GPC5: variants seen among roughly 807,000 people sequenced by gnomAD.
The protein encoded by GPC5 is glypican-5.
Under a neutral mutation model 53.9 loss-of-function variants are expected in GPC5, and 47 were observed. The ratio of observed to expected loss-of-function variants is 0.87; its 90% confidence interval spans 0.69 to 1.11. The LOEUF is 1.11. Among genes scored for constraint, GPC5 ranks in the 50% most tolerant of loss-of-function variants. The pLI is 0.00. For synonymous variants in GPC5, 286 were observed against 263.3 expected, an observed-to-expected ratio of 1.09 and a Z score of -0.84; for missense variants, 748 against 713.1, an observed-to-expected ratio of 1.05 and a Z score of -0.56.
intron 7 of GPC5, among the ~76,000 whole-genome samples, chr13:92,165,524 A>C (rs2042020964): frequency 2.0e-5 from 3 of 152,154 alleles, no homozygotes; most frequent in African/African-American, 7.2e-5. Flanking sequence ...AGAGAATGAG[A>C]GATGTGGAGC....
chr13:91,604,402 G>C (rs9523374), intron 2 of GPC5, among the ~76,000 whole-genome samples: 2 of 151,616 alleles, frequency 1.3e-5, no homozygotes, highest in African/African-American at 4.9e-5. Context: ...GAATAATGCC[G>C]TAATAAACAT....
Position 92,612,934 on chromosome 13 carries a change from A to G in GPC5, c.1562-253348A>G, listed in dbSNP as rs577669408. Among the ~76,000 whole-genome samples the G allele has an allele frequency of 2.0e-5, 3 of 152,092 alleles. No individual in the cohort carries two copies. In the South Asian group the frequency reaches 6.2e-4, roughly 32 times the overall value. ...CATTTATTTTTCAGGAACCCTTTTA[A>G]ACACCTTACATGTATTAATCCTTAT... On this transcript the variant is annotated intron_variant, in intron 7 of 7. Transcript: ENST00000377067.
intron 7 of GPC5, among the ~76,000 whole-genome samples, chr13:92,798,888 G>T (rs1876800810): frequency 6.6e-6 from 1 of 151,768 alleles, no homozygotes; most frequent in South Asian, 2.1e-4. Flanking sequence ...TTTATGATTT[G>T]CAACAATTGT....
At chr13:92,337,434 G>C (rs1029068584) in intron 7 of GPC5, among the ~76,000 whole-genome samples, 1 of 152,142 alleles carries the variant, frequency 6.6e-6, no homozygotes, top group Admixed American at 6.6e-5. Context: ...TTGTCAGGAT[G>C]ATTCTAATGT....
chr13:91,832,073 A>G (rs550295764), intron 5 of GPC5, among the ~76,000 whole-genome samples: 203 of 152,024 alleles, frequency 1.3e-3, no homozygotes, highest in Non-Finnish European at 2.4e-3. Context: ...CAAGTCTCCC[A>G]CTATTATTGT....
intron 7 of GPC5, among the ~76,000 whole-genome samples, chr13:92,737,755 T>C (rs1888976264): frequency 1.3e-5 from 1 of 77,858 alleles, no homozygotes. Context: ...TTTCTTTTTT[T>C]TTTTCTTTTT....
intron 7 of GPC5, among the ~76,000 whole-genome samples, chr13:92,745,880 A>T (rs538677730): frequency 4.1e-4 from 62 of 152,188 alleles, no homozygotes; most frequent in Non-Finnish European, 8.7e-4. Flanking sequence ...TCACTAAGTC[A>T]TTTCTTATAT....
At chr13:92,445,154 C>T (rs1877745971) in intron 7 of GPC5, among the ~76,000 whole-genome samples, 1 of 151,390 alleles carries the variant, frequency 6.6e-6, no homozygotes, top group Non-Finnish European at 1.5e-5. Flanking sequence ...TCCTTCCTCT[C>T]TTTTCCTTTC....
At chr13:92,077,404 G>A (rs1266397314) in intron 6 of GPC5, among the ~76,000 whole-genome samples, 1 of 152,144 alleles carries the variant, frequency 6.6e-6, no homozygotes, top group Non-Finnish European at 1.5e-5. Context: ...TGTCAGCCTT[G>A]TACTTACAGA....
intron 3 of GPC5, among the ~76,000 whole-genome samples, chr13:91,698,191 A>C (rs2035923028): frequency 6.6e-6 from 1 of 152,154 alleles, no homozygotes; most frequent in African/African-American, 2.4e-5. Context: ...CAACAAAAAA[A>C]GTCCCATTCT....
rs186503858 is a variant in GPC5 at position 91,953,600 on chromosome 13, T to C, written c.1401+45543T>C. ...TTATAATAGGATTGCCCTAGTTCAT[T>C]CGGGCTGCTATAATAAAATACAATA... is the stretch of plus-strand genomic sequence containing the variant. On this transcript the variant is annotated intron_variant, in intron 6 of 7. Coordinates refer to ENST00000377067, the MANE Select transcript of GPC5 (RefSeq NM_004466.6). Among the ~76,000 whole-genome samples the C allele has an allele frequency of 3.3e-5, 5 of 152,314 alleles. No individual in the cohort carries two copies. The East Asian group carries it at 9.6e-4, about 29-fold the overall frequency.
intron 2 of GPC5, among the ~76,000 whole-genome samples, chr13:91,468,012 T>G (rs1200902764): frequency 6.6e-6 from 1 of 152,158 alleles, no homozygotes; most frequent in Admixed American, 6.5e-5. Context: ...TCTTTATGCA[T>G]AGGTGGTATC....
chr13:92,691,523 C>A (rs1365793088), intron 7 of GPC5, among the ~76,000 whole-genome samples: 16 of 151,714 alleles, frequency 1.1e-4, no homozygotes, highest in African/African-American at 3.9e-4. Context: ...AATCACCCGT[C>A]TTCTGCGTCG....
intron 2 of GPC5, among the ~76,000 whole-genome samples, chr13:91,512,234 G>A (rs1203740006): frequency 1.3e-5 from 2 of 152,200 alleles, no homozygotes; most frequent in Non-Finnish European, 2.9e-5. Context: ...AAATTTCTCT[G>A]CTTTACGTAG....
At chr13:92,392,253 C>T (rs1875039483) in intron 7 of GPC5, among the ~76,000 whole-genome samples, 1 of 152,018 alleles carries the variant, frequency 6.6e-6, no homozygotes, top group Admixed American at 6.6e-5. Context: ...ACTTTTGGGA[C>T]AGATGTCTAT....
chr13:92,555,801 T>A (rs1882473739), intron 7 of GPC5, among the ~76,000 whole-genome samples: 1 of 150,388 alleles, frequency 6.6e-6, no homozygotes. Flanking sequence ...ACATATATAT[T>A]CCCTAACTAG....
intron 7 of GPC5, among the ~76,000 whole-genome samples, chr13:92,835,408 G>T (rs1237941786): frequency 6.6e-6 from 1 of 151,900 alleles, no homozygotes; most frequent in Non-Finnish European, 1.5e-5. Flanking sequence ...ACAGAGATCA[G>T]CTTTGTTTTG....
chr13:91,828,934 G>A (rs1441561731), intron 5 of GPC5, among the ~76,000 whole-genome samples: 2 of 152,034 alleles, frequency 1.3e-5, no homozygotes, highest in Non-Finnish European at 2.9e-5. Flanking sequence ...ATGAATATGT[G>A]CTACCACTAA....
chr13:92,681,122 T>TTA (rs1330905240), intron 7 of GPC5, among the ~76,000 whole-genome samples: 1 of 151,798 alleles, frequency 6.6e-6, no homozygotes, highest in East Asian at 1.9e-4. Flanking sequence ...GCATTTAGTT[T>TTA]TAACCTCATC....
Sources: allele counts gnomAD v4.1 joint callset (sites outside exome capture counted in the v4.1 genomes callset), GRCh38; gene constraint gnomAD v4.1.1; transcripts MANE v1.5; gene names NCBI Gene and HGNC (gene_info 2026-07-23, HGNC 2026-07-21).